BRD7: variants seen among roughly 807,000 people sequenced by gnomAD.
BRD7 encodes the protein bromodomain-containing protein 7.
In BRD7, 15 loss-of-function variants were observed where a neutral mutation model predicts 82.1. The observed-to-expected ratio is 0.18, with a 90% confidence interval of 0.12 to 0.28. The LOEUF (loss-of-function observed/expected upper bound fraction) is 0.28. Ranked by LOEUF, BRD7 falls within the 10% of genes least tolerant of loss-of-function variation. BRD7 has a pLI of 1.00. For synonymous variants in BRD7, 232 were observed against 266.9 expected (o/e 0.87, Z 1.27); for missense variants, 638 against 779.9 (o/e 0.82, Z 2.17).
At chr16:50,320,837 A>AAATT in intron 13 of BRD7, 63 bp from the exon 14 acceptor site, 1 of 1,124,916 alleles carries the variant, frequency 8.9e-7, no homozygotes. Context: ...TGTTAACTAG[A>AAATT]AATTACTCAG....
At chr16:50,346,673 T>G (rs960778979) in intron 5 of BRD7, among the ~76,000 whole-genome samples, 1 of 152,078 alleles carries the variant, frequency 6.6e-6, no homozygotes, top group Non-Finnish European at 1.5e-5. Flanking sequence ...CTAGAAGAAA[T>G]GGATAAATTC....
chr16:50,328,227 G>GC (rs2037419453), intron 9 of BRD7, among the ~76,000 whole-genome samples: 1 of 152,106 alleles, frequency 6.6e-6, no homozygotes, highest in African/African-American at 2.4e-5. Context: ...TGAAAGATAC[G>GC]ATGTCACTAA....
chr16:50,321,344 TGAC>T (rs1212493287), intron 13 of BRD7, among the ~76,000 whole-genome samples: 1 of 152,094 alleles, frequency 6.6e-6, no homozygotes, highest in Admixed American at 6.6e-5. Flanking sequence ...GCGGATCACC[TGAC>T]ATTAGGAGTT....
At chr16:50,321,563 T>C (rs1056201004) in intron 13 of BRD7, among the ~76,000 whole-genome samples, 7 of 45,370 alleles carry the variant, frequency 1.5e-4, no homozygotes, top group Non-Finnish European at 2.5e-4. Flanking sequence ...CGGGACTCCA[T>C]CTCAAAAAAA....
chr16:50,367,211 A>G (rs113539948), intron 2 of BRD7, among the ~76,000 whole-genome samples: 46 of 152,342 alleles, frequency 3.0e-4, no homozygotes, highest in African/African-American at 7.5e-4. Context: ...TGGAAAGTTA[A>G]TAACAGTAAT....
intron 6 of BRD7, 31 bp downstream of exon 6, chr16:50,339,945 A>G (rs753193239): frequency 1.5e-6 from 2 of 1,323,886 alleles, no homozygotes; most frequent in Non-Finnish European, 1.1e-6. Flanking sequence ...GATTTTAATA[A>G]CTATTATTTA....
intron 11 of BRD7, among the ~76,000 whole-genome samples, chr16:50,325,034 GA>G (rs2037279850): frequency 6.6e-6 from 1 of 152,214 alleles, no homozygotes; most frequent in Admixed American, 6.5e-5. Context: ...GGGGACTGGT[GA>G]ATCTACAGGG....
intron 5 of BRD7, among the ~76,000 whole-genome samples, chr16:50,342,691 G>C (rs902522499): frequency 4.6e-5 from 7 of 151,910 alleles, no homozygotes; most frequent in Non-Finnish European, 7.4e-5. Context: ...GAAGTGCTGG[G>C]ATTACAGGTG....
chr16:50,361,660 T>G (rs1476151684), intron 2 of BRD7: 1 of 152,236 alleles, frequency 6.6e-6, no homozygotes, highest in Non-Finnish European at 1.5e-5. Flanking sequence ...TTTATCATTC[T>G]TCCACTCAAA....
chr16:50,349,634 GTGTAAGAATGGAT>G (rs1318400662), intron 5 of BRD7: 1 of 470,808 alleles, frequency 2.1e-6, no homozygotes, highest in Admixed American at 2.4e-5. Flanking sequence ...CTGTATAGCG[GTGTAAGAATGGAT>G]TAATACAATA....
chr16:50,322,278 T>C (rs933199862), intron 12 of BRD7, among the ~76,000 whole-genome samples: 3 of 152,232 alleles, frequency 2.0e-5, no homozygotes, highest in Non-Finnish European at 4.4e-5. Flanking sequence ...GCTATATACA[T>C]GTTTAAGAAG....
chr16:50,355,659 C>A (rs1332169427), intron 2 of BRD7, among the ~76,000 whole-genome samples: 3 of 152,190 alleles, frequency 2.0e-5, no homozygotes, highest in Non-Finnish European at 4.4e-5. Flanking sequence ...AGAATTTGAG[C>A]TCTACTTCAT....
chr16:50,353,408 GATTAC>G (rs1214435188), intron 4 of BRD7, among the ~76,000 whole-genome samples: 5 of 151,934 alleles, frequency 3.3e-5, no homozygotes, highest in African/African-American at 7.3e-5. Flanking sequence ...ATTGAATACA[GATTAC>G]ATTAGAGAAA....
chr16:50,337,322 G>A (rs531949181), intron 6 of BRD7, among the ~76,000 whole-genome samples: 6 of 140,776 alleles, frequency 4.3e-5, no homozygotes, highest in Admixed American at 1.5e-4. Flanking sequence ...GTGCAGTGGC[G>A]TGATCTTGGC....
At chr16:50,354,524 T>C (rs1286849635) in intron 3 of BRD7, 42 bp from the exon 4 acceptor site, 1 of 1,507,628 alleles carries the variant, frequency 6.6e-7, no homozygotes, top group Non-Finnish European at 9.1e-7. Context: ...TAAAAAGGAG[T>C]ATTCTAGAGA....
At position 50,350,124 on chromosome 16, in the gene BRD7, T is replaced by C; in HGVS notation, c.490A>G (p.Ile164Val). 1 of 1,596,518 alleles carries C rather than the reference T, an allele frequency of 6.3e-7. No individual in the cohort carries two copies. The highest frequency in any genetic ancestry group is 8.5e-7 in the Non-Finnish European group (1 of 1,174,410). Residue 164 changes from isoleucine (I) to valine (V), a missense_variant, in exon 5 of 17, where the codon ATT becomes GTT. By Grantham distance (29) the Ile-to-Val change is conservative. This residue lies in a region of BRD7 where 64 missense variants were observed against 123.8 expected (regional missense o/e 0.52). Coordinates refer to ENST00000394688, the MANE Select transcript of BRD7 (RefSeq NM_013263.5). ...AFFSFPVTDF[I>V]APGYSMIIKH... The stretch of plus-strand genomic sequence containing the variant: ...ATGATCATGGAGTAGCCAGGAGCAA[T>C]AAAATCAGTCACAGGAAATGAAAAG...
chr16:50,325,700 T>C, intron 11 of BRD7, 48 bp downstream of exon 11: 1 of 1,521,296 alleles, frequency 6.6e-7, no homozygotes, highest in Non-Finnish European at 8.8e-7. Flanking sequence ...ATGTATGTAC[T>C]TTAATGTTTT....
Position 50,325,886 on chromosome 16 carries a change from GT to G in BRD7, c.1196-4del. ...GGGCCCATAATTCAAATATAACACTGTTGAAAAAATCAAATACTGTAACACT... is the reference window on the plus strand; with the variant it reads ...GGGCCCATAATTCAAATATAACACTGTGAAAAAATCAAATACTGTAACACT... On this transcript the variant is annotated splice_polypyrimidine_tract_variant and splice_region_variant and intron_variant, in intron 10 of 16. Transcript: ENST00000394688. 6.3e-7 allele frequency: 1 copy of G among 1,582,330 alleles called. No homozygotes were observed. Among genetic ancestry groups the G allele is most frequent in the Non-Finnish European group, 8.5e-7 (1 of 1,171,230 alleles).
chr16:50,365,079 T>C (rs950117851), intron 2 of BRD7, among the ~76,000 whole-genome samples: 1 of 152,208 alleles, frequency 6.6e-6, no homozygotes, highest in Non-Finnish European at 1.5e-5. Flanking sequence ...GTGGACACCT[T>C]TGAAAAAAGC....
Sources: gnomAD v4.1 joint callset for allele counts (sites outside exome capture counted in the v4.1 genomes callset) on GRCh38, gnomAD v4.1.1 for gene constraint, gnomAD v4.1.1 regional missense constraint, MANE v1.5 for transcripts, NCBI Gene and HGNC (gene_info 2026-07-23, HGNC 2026-07-21) for gene names.